DNMT1: variants seen among roughly 807,000 people sequenced by gnomAD.
The protein encoded by DNMT1 is DNA methyltransferase 1.
Under a neutral mutation model 205.3 loss-of-function variants are expected in DNMT1, and 24 were observed. The ratio of observed to expected loss-of-function variants is 0.12; its 90% CI spans 0.08 to 0.16. The LOEUF is 0.16. Among genes scored for constraint, DNMT1 ranks in the 10% least tolerant of loss-of-function variants. The pLI is 1.00. For synonymous variants in DNMT1, 817 were observed against 839.8 expected, an observed-to-expected ratio of 0.97 and a Z score of 0.47; for missense variants, 1,293 against 2,177.7, an observed-to-expected ratio of 0.59 and a Z score of 8.09.
intron 28 of DNMT1, 144 bp from the exon 29 acceptor site, chr19:10,144,131 T>A (rs1402187602): frequency 1.2e-6 from 1 of 868,748 alleles, no homozygotes; most frequent in Non-Finnish European, 1.9e-6. Context: ...TGATTTAGGC[T>A]GGGCATTGTG....
rs142291095 is a variant in DNMT1, at chr19:10,156,526, G to A, written c.1281-17C>T. On this transcript the variant is annotated splice_polypyrimidine_tract_variant and intron_variant, in intron 17 of 40. Transcript: ENST00000359526. This position sits in a 1 kb window ranked among gnomAD's most constrained non-coding sequence, Gnocchi z 4.2. ...CAGTACACACTAGACAGGAAACAAA[G>A]CACATGCTTACCAGCTAAGCCGTGA... 9.4e-6 allele frequency: 15 copies of A among 1,593,834 alleles called. No homozygotes were observed. The African/African-American group carries it at 1.6e-4, about 17-fold the overall frequency.
At chr19:10,187,620 A>T (rs2039216290) in intron 1 of DNMT1, among the ~76,000 whole-genome samples, 1 of 151,694 alleles carries the variant, frequency 6.6e-6, no homozygotes. Flanking sequence ...CTGTACTCCT[A>T]GCTGCTCAGG....
Position 10,149,910 on chromosome 19 carries a change from A to C in DNMT1, c.2324T>G (p.Val775Gly). 8 of 1,614,210 alleles carry C rather than the reference A, an allele frequency of 5.0e-6. No homozygotes were observed. Among genetic ancestry groups the C allele is most frequent in the Non-Finnish European group, 6.8e-6 (8 of 1,180,052 alleles). The stretch of plus-strand genomic sequence containing the variant: ...TGGAATAACAGAGACACAGTCCCCC[A>C]CTTCCAGGGTTTCCGCATCAATGCA... The part of the protein sequence containing the change: ...KVCIDAETLE[V>G]GDCVSVIPDD... The change falls in exon 25 of 41, where the codon GTG becomes GGG. Residue 775 changes from valine to glycine, a missense_variant. Transcript: ENST00000359526.
rs1269778997 is a variant in DNMT1 at position 10,140,176 on chromosome 19, G to A, written c.3676C>T (p.Arg1226Trp). 2.5e-6 allele frequency: 4 copies of A among 1,613,812 alleles called. No homozygotes were observed. The highest frequency in any genetic ancestry group is 3.4e-6 in the Non-Finnish European group (4 of 1,180,042). The change falls in exon 33 of 41, where the codon CGG (arginine) becomes TGG (tryptophan). Residue 1226 changes from arginine to tryptophan, a missense_variant. Coordinates refer to ENST00000359526, the MANE Select transcript of DNMT1 (RefSeq NM_001130823.3). This position sits in a 1 kb window ranked among gnomAD's most constrained non-coding sequence, Gnocchi z 8.4. ...TCCACGTCTCCCTTCTGGGGCAGCC[G>A]CTGGCCGCGGGAGTTGGTGGTCTCC... ...AGETTNSRGQ[R>W]LPQKGDVEML...
chr19:10,157,155 A>C (rs939745665), intron 17 of DNMT1, among the ~76,000 whole-genome samples: 1 of 152,110 alleles, frequency 6.6e-6, no homozygotes, highest in African/African-American at 2.4e-5. Context: ...ATGTTAATAA[A>C]GCCTCATTCC....
rs74671219 is a variant in DNMT1, at chr19:10,154,546, C to T, written c.1832+40G>A. The T allele has an allele frequency of 1.7e-3, 2,819 of 1,613,776 alleles. 20 individuals carry two copies. In the African/African-American group the frequency reaches 0.019, roughly 11 times the overall value. The stretch of plus-strand genomic sequence containing the variant: ...GATGTGGGCCATGCTCTACCCTCCC[C>T]GGTCTCCAGTCTTCACTCTGGTCCC... On this transcript the variant is annotated intron_variant, in intron 21 of 40. Transcript: ENST00000359526. This position sits in a 1 kb window ranked among gnomAD's most constrained non-coding sequence, Gnocchi z 6.3.
intron 27 of DNMT1, among the ~76,000 whole-genome samples, chr19:10,148,658 G>A (rs1458655375): frequency 6.6e-6 from 1 of 152,130 alleles, no homozygotes; most frequent in African/African-American, 2.4e-5. Flanking sequence ...CTGTTCCTGG[G>A]TAGGGAACCC....
In DNMT1 at chr19:10,134,265, A is replaced by G. The variant is rs147713850; in HGVS notation, c.4816T>C (p.Leu1606=). Residue 1606 remains leucine (L), a synonymous_variant, in exon 40 of 41, where the codon TTG becomes CTG. Transcript: ENST00000359526. ...GCCAACATACAAAGCTTGATCTCCA[A>G]GCCAATGGCTTTGGCCAGGGGCGGT... ...VPPPLAKAIG[L]EIKLCMLAKA... The G allele has an allele frequency of 1.1e-5, 17 of 1,614,052 alleles. No individual in the cohort carries two copies. The highest frequency in any genetic ancestry group is 2.7e-5 in the African/African-American group (2 of 74,946).
chr19:10,194,460 C>T (rs1568265366), intron 1 of DNMT1: 1 of 191,682 alleles, frequency 5.2e-6, no homozygotes, highest in Non-Finnish European at 1.1e-5. Flanking sequence ...GGGCTGCCCA[C>T]TTCCTGTGCG....
rs140376680 is a variant in DNMT1 at position 10,154,696 on chromosome 19, C to T, written c.1722G>A (p.Val574=). The T allele has an allele frequency of 1.1e-4, 177 of 1,614,224 alleles. No homozygotes were observed. The East Asian group carries it at 1.2e-3, about 11-fold the overall frequency. The change falls in exon 21 of 41, where the codon GTG becomes GTA. Residue 574 remains valine, a synonymous_variant. Coordinates refer to ENST00000359526, the MANE Select transcript of DNMT1 (RefSeq NM_001130823.3). This position sits in a 1 kb window ranked among gnomAD's most constrained non-coding sequence, Gnocchi z 6.3. The part of the protein sequence containing the change: ...DSLLRHAQFV[V]EQVESYDEAG... ...CCTCGTCATAACTCTCCACCTGCTC[C>T]ACCACAAACTGCGCGTGTCGCAGGA... is the stretch of plus-strand genomic sequence containing the variant.
At chr19:10,191,830 T>TAA (rs927766392) in intron 1 of DNMT1, among the ~76,000 whole-genome samples, 1 of 148,392 alleles carries the variant, frequency 6.7e-6, no homozygotes, top group African/African-American at 2.5e-5. Flanking sequence ...CCCTCATCTC[T>TAA]AAAAAAAAAA....
intron 10 of DNMT1, among the ~76,000 whole-genome samples, chr19:10,167,968 C>A (rs556351045): frequency 6.6e-6 from 1 of 151,936 alleles, no homozygotes; most frequent in East Asian, 1.9e-4. Flanking sequence ...ACTAAAAATA[C>A]GAAAATTAGT....
chr19:10,187,606 G>A (rs138124676), intron 1 of DNMT1, among the ~76,000 whole-genome samples: 37 of 150,468 alleles, frequency 2.5e-4, no homozygotes, highest in African/African-American at 7.8e-4. Flanking sequence ...ATGACAGCAC[G>A]CACCTGTACT....
intron 6 of DNMT1, among the ~76,000 whole-genome samples, chr19:10,176,293 C>T (rs1222723847): frequency 6.6e-6 from 1 of 152,152 alleles, no homozygotes; most frequent in Non-Finnish European, 1.5e-5. Flanking sequence ...GCAATCGGCC[C>T]AATCTAGGAA....
At chr19:10,182,442 CATAT>C (rs555439749) in intron 1 of DNMT1, among the ~76,000 whole-genome samples, 3 of 120,624 alleles carry the variant, frequency 2.5e-5, no homozygotes, top group Non-Finnish European at 3.4e-5. Context: ...TATATATATA[CATAT>C]ATATGTGTAT....
Position 10,138,733 on chromosome 19 carries a change from A to C in DNMT1, c.3949-128T>G. ...GCCAATGCGGAGTGCACTTGCAGAA[A>C]TCCCCAGTTACCTCAGCAGGCGTGC... On this transcript the variant is annotated intron_variant, in intron 34 of 40. Transcript: ENST00000359526. The surrounding 1 kb of genome is among the most constrained non-coding windows in gnomAD (Gnocchi z 4.1). The C allele has an allele frequency of 8.1e-7, 1 of 1,227,816 alleles. No homozygotes were observed. The highest frequency in any genetic ancestry group is 1.4e-5 in the South Asian group (1 of 69,110). The allele number at this position is 1,227,816 out of a possible 1,614,324, so 76.1% of individuals were successfully genotyped here. A position where few individuals can be genotyped will look rare whatever the true frequency, so the allele number is the denominator to read the frequency against.
At chr19:10,171,178 C>A (rs908731997) in intron 9 of DNMT1, among the ~76,000 whole-genome samples, 1 of 151,382 alleles carries the variant, frequency 6.6e-6, no homozygotes. Flanking sequence ...TTGCATAGAA[C>A]CTTAGACTCA....
intron 29 of DNMT1, among the ~76,000 whole-genome samples, chr19:10,143,096 T>C (rs1404761143): frequency 1.3e-5 from 2 of 152,070 alleles, no homozygotes; most frequent in Non-Finnish European, 2.9e-5. Flanking sequence ...GCCAAAAGCT[T>C]AGGAAAGAGA....
chr19:10,191,962 C>T (rs2039312437), intron 1 of DNMT1, among the ~76,000 whole-genome samples: 1 of 152,034 alleles, frequency 6.6e-6, no homozygotes, highest in Non-Finnish European at 1.5e-5. Flanking sequence ...GCTGCGATTA[C>T]AGGCACCTGC....
Sources: allele counts gnomAD v4.1 joint callset (sites outside exome capture counted in the v4.1 genomes callset), GRCh38; gene constraint gnomAD v4.1.1; non-coding constraint Gnocchi (gnomAD v3.1); transcripts MANE v1.5; gene names NCBI Gene and HGNC (gene_info 2026-07-23, HGNC 2026-07-21).